AGBL4: variants seen among roughly 807,000 people sequenced by gnomAD.
AGBL4 encodes AGBL carboxypeptidase 4.
In AGBL4, 58 loss-of-function variants were observed where a neutral mutation model predicts 66.4. That is an observed-to-expected ratio of 0.87 (90% CI 0.71 to 1.09). The LOEUF (loss-of-function observed/expected upper bound fraction) is 1.09, where lower values mean the gene tolerates loss of function less well. Among genes scored for constraint, AGBL4 ranks in the 50% least tolerant of loss-of-function variants. AGBL4 has a pLI of 0.00. For missense variants in AGBL4, 579 were observed against 631.0 expected, an observed-to-expected ratio of 0.92 and a Z score of 0.88; for synonymous variants, 234 against 222.9, an observed-to-expected ratio of 1.05 and a Z score of -0.44.
chr1:49,237,195 G>A (rs567243988), intron 4 of AGBL4, among the ~76,000 whole-genome samples: 1 of 151,800 alleles, frequency 6.6e-6, no homozygotes, highest in Admixed American at 6.6e-5. Flanking sequence ...CCTGGGAGGT[G>A]GAGCTTGCAG....
At position 48,589,528 on chromosome 1, in the gene AGBL4, T is replaced by C. The variant is rs556648010; in HGVS notation, c.1104+1305A>G. On this transcript the variant is annotated intron_variant, in intron 10 of 13. Coordinates refer to ENST00000371839, the MANE Select transcript of AGBL4 (RefSeq NM_032785.4). ...GGAAAATGTGCAAAAGCTCTCTCCC[T>C]ACACCACATACTGATCCCCTCCTTA... Among the ~76,000 whole-genome samples, 4 of 152,316 alleles carry C rather than the reference T, an allele frequency of 2.6e-5. No homozygotes were observed. In the East Asian group the frequency reaches 7.7e-4, roughly 29 times the overall value.
At chr1:48,579,291 G>A (rs1210597713) in intron 11 of AGBL4, among the ~76,000 whole-genome samples, 2 of 151,942 alleles carry the variant, frequency 1.3e-5, no homozygotes, top group African/African-American at 4.8e-5. Flanking sequence ...GCAATGGCAT[G>A]ATCTCAGCTC....
intron 3 of AGBL4, among the ~76,000 whole-genome samples, chr1:49,356,111 G>A (rs1179872624): frequency 6.6e-6 from 1 of 152,114 alleles, no homozygotes; most frequent in African/African-American, 2.4e-5. Flanking sequence ...CATAAAAACA[G>A]ACATTGTGAG....
chr1:49,536,976 C>T (rs1187686952), intron 3 of AGBL4, among the ~76,000 whole-genome samples: 1 of 151,482 alleles, frequency 6.6e-6, no homozygotes, highest in Non-Finnish European at 1.5e-5. Flanking sequence ...CATTGCACTC[C>T]AGCCTGGGCG....
intron 2 of AGBL4, among the ~76,000 whole-genome samples, chr1:49,745,316 G>C (rs1384586746): frequency 1.3e-5 from 2 of 152,002 alleles, no homozygotes; most frequent in African/African-American, 2.4e-5. Context: ...GATGAGAACA[G>C]TACACTAAGC....
chr1:48,823,638 CATTTCTACTTGGCT>C (rs1333468785), intron 6 of AGBL4, among the ~76,000 whole-genome samples: 2 of 152,194 alleles, frequency 1.3e-5, no homozygotes, highest in South Asian at 2.1e-4. Flanking sequence ...ACCCTGCACA[CATTTCTACTTGGCT>C]ATGACTATTG....
At chr1:49,180,513 A>T (rs1178661333) in intron 4 of AGBL4, among the ~76,000 whole-genome samples, 1 of 152,164 alleles carries the variant, frequency 6.6e-6, no homozygotes, top group Non-Finnish European at 1.5e-5. Flanking sequence ...GTAAGTGGAA[A>T]ATTTGACACC....
intron 2 of AGBL4, among the ~76,000 whole-genome samples, chr1:49,746,098 GAC>G (rs1431348476): frequency 6.6e-6 from 1 of 151,878 alleles, no homozygotes; most frequent in African/African-American, 2.4e-5. Context: ...AATTTTATTA[GAC>G]ACACAGTTTA....
At chr1:49,171,076 C>T (rs1646729837) in intron 4 of AGBL4, among the ~76,000 whole-genome samples, 1 of 152,148 alleles carries the variant, frequency 6.6e-6, no homozygotes, top group South Asian at 2.1e-4. Flanking sequence ...GATTCCACAT[C>T]TTATAAGAAA....
chr1:48,691,409 A>C (rs1275656677), intron 6 of AGBL4, among the ~76,000 whole-genome samples: 1 of 152,132 alleles, frequency 6.6e-6, no homozygotes, highest in African/African-American at 2.4e-5. Context: ...ATAGGATTAG[A>C]GTAATCAGGG....
intron 4 of AGBL4, among the ~76,000 whole-genome samples, chr1:49,233,923 A>T (rs1650518772): frequency 6.6e-6 from 1 of 152,176 alleles, no homozygotes; most frequent in South Asian, 2.1e-4. Flanking sequence ...ATGAAATTTG[A>T]CTGAAAGTGA....
chr1:48,958,724 C>A (rs760748601), intron 5 of AGBL4, among the ~76,000 whole-genome samples: 1 of 152,222 alleles, frequency 6.6e-6, no homozygotes, highest in Non-Finnish European at 1.5e-5. Flanking sequence ...TAAGCTTAGA[C>A]CACTCCTCAT....
chr1:49,405,574 G>A (rs765707072), intron 3 of AGBL4, among the ~76,000 whole-genome samples: 11 of 152,222 alleles, frequency 7.2e-5, no homozygotes, highest in South Asian at 4.2e-4. Flanking sequence ...TCCCCATGCC[G>A]TTCCCTCCAG....
chr1:49,822,190 A>C (rs1402737038), intron 2 of AGBL4, among the ~76,000 whole-genome samples: 1 of 152,248 alleles, frequency 6.6e-6, no homozygotes, highest in African/African-American at 2.4e-5. Flanking sequence ...ACAGATGATA[A>C]GACACCGAAT....
chr1:50,006,680 A>G (rs1661155069), intron 1 of AGBL4, among the ~76,000 whole-genome samples: 1 of 151,924 alleles, frequency 6.6e-6, no homozygotes, highest in East Asian at 1.9e-4. Flanking sequence ...GGAAAAAAAA[A>G]AACAAAAGAA....
intron 5 of AGBL4, among the ~76,000 whole-genome samples, chr1:48,954,048 T>A (rs1657226565): frequency 6.6e-6 from 1 of 152,160 alleles, no homozygotes; most frequent in African/African-American, 2.4e-5. Context: ...TCAGACATAG[T>A]AGTGCCTGCT....
At chr1:48,854,346 C>T (rs1647098433) in intron 6 of AGBL4, among the ~76,000 whole-genome samples, 1 of 152,206 alleles carries the variant, frequency 6.6e-6, no homozygotes, top group African/African-American at 2.4e-5. Context: ...CTCCCAAGAT[C>T]CTTGGTCACT....
intron 3 of AGBL4, among the ~76,000 whole-genome samples, chr1:49,284,827 C>G (rs545520011): frequency 9.9e-5 from 15 of 150,754 alleles, no homozygotes; most frequent in African/African-American, 3.4e-4. Flanking sequence ...AGCTAACTAT[C>G]CTAAATATAT....
At chr1:49,143,723 G>A (rs935412778) in intron 4 of AGBL4, among the ~76,000 whole-genome samples, 4 of 152,084 alleles carry the variant, frequency 2.6e-5, no homozygotes, top group Non-Finnish European at 5.9e-5. Context: ...GAAGGAGTCA[G>A]TCCAAACCAT....
Sources: gnomAD v4.1 joint callset for allele counts (sites outside exome capture counted in the v4.1 genomes callset) on GRCh38, gnomAD v4.1.1 for gene constraint, MANE v1.5 for transcripts, NCBI Gene and HGNC (gene_info 2026-07-23, HGNC 2026-07-21) for gene names.